SLC24A2: variants seen among roughly 807,000 people sequenced by gnomAD.
SLC24A2 encodes the protein solute carrier family 24 member 2.
In SLC24A2, 36 loss-of-function variants were observed where a neutral mutation model predicts 62.0. The ratio of observed to expected loss-of-function variants is 0.58; its 90% confidence interval spans 0.44 to 0.77. The LOEUF is 0.77. Ranked by LOEUF, SLC24A2 falls within the 30% of genes least tolerant of loss-of-function variation. SLC24A2 has a pLI of 0.00. For missense variants in SLC24A2, 846 were observed against 817.9 expected, an observed-to-expected ratio of 1.03 and a Z score of -0.42; for synonymous variants, 358 against 294.0, an observed-to-expected ratio of 1.22 and a Z score of -2.23.
At chr9:19,894,167 G>C in the SLC24A2 span, among the ~76,000 whole-genome samples, 1 of 152,188 alleles carries the variant, frequency 6.6e-6, no homozygotes, top group Non-Finnish European at 1.5e-5. Context: ...GGCACAGAAG[G>C]GATGTGGACT....
At chr9:19,647,331 G>A (rs953907462) in intron 2 of SLC24A2, among the ~76,000 whole-genome samples, 3 of 152,134 alleles carry the variant, frequency 2.0e-5, no homozygotes, top group African/African-American at 7.2e-5. Context: ...AGAGAACTTA[G>A]AGATGGTCTG....
chr9:19,724,442 T>G (rs1187005446), intron 2 of SLC24A2, among the ~76,000 whole-genome samples: 2 of 152,202 alleles, frequency 1.3e-5, no homozygotes, highest in Non-Finnish European at 2.9e-5. Flanking sequence ...AAAGACAACT[T>G]TGCACAATTT....
At chr9:20,235,168 G>A in the SLC24A2 span, among the ~76,000 whole-genome samples, 1 of 152,240 alleles carries the variant, frequency 6.6e-6, no homozygotes, top group South Asian at 2.1e-4. Context: ...GGCTACTCGG[G>A]GGTCAGGGAC....
chr9:20,292,995 T>G, the SLC24A2 span, among the ~76,000 whole-genome samples: 1 of 152,204 alleles, frequency 6.6e-6, no homozygotes, highest in African/African-American at 2.4e-5. Context: ...CTTCCCAGCT[T>G]CTGGTGGTTT....
chr9:19,767,395 T>C (rs1211051321), intron 2 of SLC24A2, among the ~76,000 whole-genome samples: 1 of 152,180 alleles, frequency 6.6e-6, no homozygotes, highest in Non-Finnish European at 1.5e-5. Flanking sequence ...CAAATGGCCG[T>C]ACAATTTTGT....
At chr9:19,726,577 AAC>A (rs1335339269) in intron 2 of SLC24A2, among the ~76,000 whole-genome samples, 2 of 152,176 alleles carry the variant, frequency 1.3e-5, no homozygotes, top group African/African-American at 2.4e-5. Context: ...CTCCAAACTG[AAC>A]AGAGTATAAA....
chr9:19,657,177 T>A (rs992703746), intron 2 of SLC24A2, among the ~76,000 whole-genome samples: 1 of 152,204 alleles, frequency 6.6e-6, no homozygotes, highest in Non-Finnish European at 1.5e-5. Flanking sequence ...TGCCCGGCTA[T>A]GACCTGGAGA....
chr9:20,078,099 C>T, the SLC24A2 span, among the ~76,000 whole-genome samples: 87 of 152,162 alleles, frequency 5.7e-4, no homozygotes, highest in African/African-American at 2.0e-3. Context: ...CTTTCAGTAG[C>T]ACTTGAGAAA....
At chr9:20,228,653 T>C in the SLC24A2 span, among the ~76,000 whole-genome samples, 1 of 152,006 alleles carries the variant, frequency 6.6e-6, no homozygotes, top group Non-Finnish European at 1.5e-5. Context: ...TTGTCTCTGA[T>C]CCAGGAAGAG....
At chr9:19,969,654 A>G in the SLC24A2 span, among the ~76,000 whole-genome samples, 3 of 152,208 alleles carry the variant, frequency 2.0e-5, no homozygotes, top group Non-Finnish European at 4.4e-5. Context: ...CAGTAGTAAG[A>G]AAAGAACCAA....
chr9:19,973,095 C>T, the SLC24A2 span, among the ~76,000 whole-genome samples: 3 of 152,204 alleles, frequency 2.0e-5, no homozygotes, highest in Middle Eastern at 3.4e-3. Context: ...CCCAGCTACT[C>T]GGGAGCCTGA....
intron 2 of SLC24A2, among the ~76,000 whole-genome samples, chr9:19,675,515 CG>C (rs1564030635): frequency 6.6e-6 from 1 of 152,074 alleles, no homozygotes; most frequent in East Asian, 1.9e-4. Context: ...AGACTCTTTT[CG>C]GGTGCGGCTT....
At chr9:19,730,214 T>G (rs1206990421) in intron 2 of SLC24A2, among the ~76,000 whole-genome samples, 1 of 152,164 alleles carries the variant, frequency 6.6e-6, no homozygotes, top group African/African-American at 2.4e-5. Flanking sequence ...TAATGTAGAA[T>G]GAGTCTTTGG....
At chr9:20,126,085 G>T in the SLC24A2 span, among the ~76,000 whole-genome samples, 5 of 152,076 alleles carry the variant, frequency 3.3e-5, no homozygotes, top group South Asian at 2.1e-4. Flanking sequence ...TGTTTTTTTT[G>T]TGTGTGTAGA....
At chr9:20,245,468 C>A in the SLC24A2 span, among the ~76,000 whole-genome samples, 1 of 152,044 alleles carries the variant, frequency 6.6e-6, no homozygotes, top group Non-Finnish European at 1.5e-5. Flanking sequence ...TAGAGCATGG[C>A]GACTGGGAGT....
At chr9:19,674,082 C>T (rs1274188378) in intron 2 of SLC24A2, among the ~76,000 whole-genome samples, 2 of 152,128 alleles carry the variant, frequency 1.3e-5, no homozygotes, top group Non-Finnish European at 2.9e-5. Context: ...GTGGTGAGCT[C>T]TCTCAGCATT....
At chr9:20,305,348 G>A in the SLC24A2 span, among the ~76,000 whole-genome samples, 729 of 151,938 alleles carry the variant, frequency 4.8e-3, 8 homozygotes, top group African/African-American at 0.016. Flanking sequence ...CCTCATGATC[G>A]ACCCCCTCGG....
At chr9:20,162,373 A>T in the SLC24A2 span, among the ~76,000 whole-genome samples, 1 of 151,752 alleles carries the variant, frequency 6.6e-6, no homozygotes, top group African/African-American at 2.4e-5. Flanking sequence ...CTAAACTTGT[A>T]TGAAGCAAAT....
At chr9:19,954,172 A>G in the SLC24A2 span, among the ~76,000 whole-genome samples, 1 of 152,268 alleles carries the variant, frequency 6.6e-6, no homozygotes, top group South Asian at 2.1e-4. Flanking sequence ...GTATTTAAAC[A>G]TGATTTTACA....
Sources: allele counts gnomAD v4.1 joint callset (sites outside exome capture counted in the v4.1 genomes callset), GRCh38; gene constraint gnomAD v4.1.1; transcripts MANE v1.5; gene names NCBI Gene and HGNC (gene_info 2026-07-23, HGNC 2026-07-21).